SMC6: variants seen among roughly 807,000 people sequenced by gnomAD.
SMC6 encodes the protein structural maintenance of chromosomes 6, also known as structural maintenance of chromosomes protein 6.
SMC6 carries 79 observed loss-of-function variants against 142.2 expected under a neutral mutation model. The ratio of observed to expected loss-of-function variants is 0.56; its 90% CI spans 0.46 to 0.67. SMC6 has a LOEUF of 0.67. SMC6 is among the 30% of genes least tolerant of loss of function. The pLI is 0.00. For missense variants in SMC6, 1,072 were observed against 1,284.0 expected (o/e 0.83, Z 2.52); for synonymous variants, 411 against 412.4 (o/e 1.00, Z 0.04).
chr2:17,687,129 G>A (rs950673689), intron 23 of SMC6, among the ~76,000 whole-genome samples: 4 of 152,174 alleles, frequency 2.6e-5, no homozygotes, highest in Admixed American at 2.0e-4. Flanking sequence ...ACACCCTATA[G>A]AGAAGGTTTG....
At chr2:17,732,439 C>T (rs1669955588) in intron 5 of SMC6, among the ~76,000 whole-genome samples, 1 of 152,176 alleles carries the variant, frequency 6.6e-6, no homozygotes, top group Non-Finnish European at 1.5e-5. Context: ...TGGCTCACAC[C>T]TGTAATCCCA....
chr2:17,711,354 G>A (rs1055304430), intron 16 of SMC6, among the ~76,000 whole-genome samples: 3 of 152,098 alleles, frequency 2.0e-5, no homozygotes, highest in African/African-American at 7.2e-5. Context: ...GGTGACAGGG[G>A]ACAAGGAGAA....
Position 17,731,816 on chromosome 2 carries a change from A to G in SMC6, c.406T>C (p.Tyr136His). 1 of 1,613,816 alleles carries G rather than the reference A, an allele frequency of 6.2e-7. No homozygotes were observed. Among genetic ancestry groups the G allele is most frequent in the Non-Finnish European group, 8.5e-7 (1 of 1,179,840 alleles). Residue 136 changes from tyrosine (Y) to histidine (H), a missense_variant, in exon 6 of 28, where the codon TAT (tyrosine) becomes CAT (histidine). This residue lies in a region of SMC6 where 994 missense variants were observed against 1,153.2 expected (regional missense o/e 0.86). Transcript: ENST00000448223. ...RGDDAFKASVYGNSILIQQHI... is the reference protein window; with the variant it reads ...RGDDAFKASVHGNSILIQQHI... ...TGCTGTATAAGTATAGAGTTACCAT[A>G]CACACTGGCTTTAAAGGCATCATCT...
chr2:17,742,715 T>C (rs1021828168), intron 3 of SMC6, among the ~76,000 whole-genome samples: 4 of 152,190 alleles, frequency 2.6e-5, no homozygotes, highest in Admixed American at 1.3e-4. Flanking sequence ...ACACTGGAAA[T>C]CATGGTTGAC....
At chr2:17,705,176 T>C (rs1261592006) in intron 18 of SMC6, among the ~76,000 whole-genome samples, 1 of 152,012 alleles carries the variant, frequency 6.6e-6, no homozygotes. Flanking sequence ...GAAAATAGCT[T>C]GAACCCAGGA....
At chr2:17,701,711 A>AATC in intron 20 of SMC6, 118 bp downstream of exon 20, 1 of 632,844 alleles carries the variant, frequency 1.6e-6, no homozygotes, top group Non-Finnish European at 2.8e-6. Context: ...TGGAGACAGC[A>AATC]ATCATAAAGA....
chr2:17,734,306 C>T (rs957831371), intron 5 of SMC6, among the ~76,000 whole-genome samples: 16 of 152,160 alleles, frequency 1.1e-4, no homozygotes, highest in Non-Finnish European at 2.9e-5. Flanking sequence ...ATATCCTTTC[C>T]TAGAGCTACC....
intron 3 of SMC6, among the ~76,000 whole-genome samples, chr2:17,745,598 C>T (rs1670706431): frequency 6.6e-6 from 1 of 152,106 alleles, no homozygotes; most frequent in Non-Finnish European, 1.5e-5. Flanking sequence ...CTTGGTCTTA[C>T]TAAAAGTTTG....
chr2:17,695,044 C>CTA, intron 23 of SMC6, 108 bp downstream of exon 23: 6 of 1,206,130 alleles, frequency 5.0e-6, no homozygotes, highest in Non-Finnish European at 7.2e-6. Flanking sequence ...TAACTATTTG[C>CTA]TATAGTAACA....
chr2:17,748,253 G>A (rs1670854122), intron 2 of SMC6, among the ~76,000 whole-genome samples: 1 of 152,178 alleles, frequency 6.6e-6, no homozygotes, highest in African/African-American at 2.4e-5. Flanking sequence ...CCACCCTAGA[G>A]CAAGTGAATC....
chr2:17,753,058 T>G lies in SMC6; in HGVS notation c.-86A>C, dbSNP rs1671141788. 1.0e-6 allele frequency: 1 copy of G among 982,524 alleles called. No homozygotes were observed. The highest frequency in any genetic ancestry group is 1.7e-5 in the African/African-American group (1 of 57,180). 60.9% of individuals were successfully genotyped at this position (982,524 alleles called of 1,614,324 possible). A position where few individuals can be genotyped will look rare whatever the true frequency, so the allele number is the denominator to read the frequency against. On this transcript the variant is annotated 5_prime_UTR_variant, in exon 2 of 28. Transcript: ENST00000448223. ...ATTCCCAATTGGGATTCTTCTCCGG[T>G]TCATTTCTGTAAGAAATGAGGGCAG...
chr2:17,741,225 C>A (rs1472223248), intron 4 of SMC6, among the ~76,000 whole-genome samples: 1 of 152,158 alleles, frequency 6.6e-6, no homozygotes, highest in Admixed American at 6.5e-5. Context: ...CATTTATTGG[C>A]CACCTGGTGA....
intron 18 of SMC6, among the ~76,000 whole-genome samples, chr2:17,704,571 G>C (rs1668415728): frequency 6.6e-6 from 1 of 152,130 alleles, no homozygotes; most frequent in South Asian, 2.1e-4. Context: ...CCCTGGTCTG[G>C]GGGATATTCC....
At chr2:17,721,764 C>T (rs1395783336) in intron 9 of SMC6, among the ~76,000 whole-genome samples, 3 of 150,426 alleles carry the variant, frequency 2.0e-5, no homozygotes, top group African/African-American at 4.9e-5. Context: ...GGCACAATCT[C>T]GGCTCACTGC....
At chr2:17,694,983 AAGGTT>A (rs200447283) in intron 23 of SMC6, among the ~76,000 whole-genome samples, 164 bp downstream of exon 23, 2,671 of 152,332 alleles carry the variant, frequency 0.018, 91 homozygotes, top group Admixed American at 0.077. Flanking sequence ...CAGAAGAAAA[AAGGTT>A]ACTATTTATT....
intron 4 of SMC6, among the ~76,000 whole-genome samples, chr2:17,739,533 T>C (rs1220259751): frequency 6.6e-6 from 1 of 150,870 alleles, no homozygotes; most frequent in East Asian, 1.9e-4. Context: ...TAATCCCAGC[T>C]ATTTGGGAGG....
intron 11 of SMC6, among the ~76,000 whole-genome samples, chr2:17,718,688 T>A (rs1011575010): frequency 6.6e-6 from 1 of 152,160 alleles, no homozygotes; most frequent in Non-Finnish European, 1.5e-5. Context: ...GGAAATAAGT[T>A]GAGGAAGGTG....
intron 22 of SMC6, 59 bp from the exon 23 acceptor site, chr2:17,695,356 C>T: frequency 1.4e-6 from 2 of 1,455,086 alleles, no homozygotes; most frequent in Non-Finnish European, 1.9e-6. Context: ...ATTCATTATA[C>T]TACTTGTGCC....
At chr2:17,715,532 A>G (rs1201986034) in intron 15 of SMC6, among the ~76,000 whole-genome samples, 1 of 152,154 alleles carries the variant, frequency 6.6e-6, no homozygotes, top group Non-Finnish European at 1.5e-5. Flanking sequence ...CTTAAATGCA[A>G]TACTTTACTA....
Sources: gnomAD v4.1 joint callset for allele counts (sites outside exome capture counted in the v4.1 genomes callset) on GRCh38, gnomAD v4.1.1 for gene constraint, gnomAD v4.1.1 regional missense constraint, MANE v1.5 for transcripts, NCBI Gene and HGNC (gene_info 2026-07-23, HGNC 2026-07-21) for gene names.